The following ADAM12 variants were observed in gnomAD, a reference collection of about 807,000 sequenced individuals.
ADAM12 encodes disintegrin and metalloproteinase domain-containing protein 12.
ADAM12 carries 70 observed loss-of-function variants against 106.4 expected under a neutral mutation model. The ratio of observed to expected loss-of-function variants is 0.66; its 90% CI spans 0.54 to 0.80. The LOEUF (loss-of-function observed/expected upper bound fraction) is 0.80. Among genes scored for constraint, ADAM12 ranks in the 30% least tolerant of loss-of-function variants. The pLI is 0.00. For missense variants in ADAM12, 1,010 were observed against 1,171.9 expected, an observed-to-expected ratio of 0.86 and a Z score of 2.02; for synonymous variants, 420 against 433.5, an observed-to-expected ratio of 0.97 and a Z score of 0.39.
At chr10:126,037,398 A>G (rs1191419442) in intron 20 of ADAM12, among the ~76,000 whole-genome samples, 3 of 152,054 alleles carry the variant, frequency 2.0e-5, no homozygotes, top group African/African-American at 7.2e-5. Context: ...GGGGACGAGC[A>G]GGGGTAAAGC....
chr10:126,298,793 T>C (rs1178578655), intron 2 of ADAM12, among the ~76,000 whole-genome samples: 1 of 151,936 alleles, frequency 6.6e-6, no homozygotes, highest in Admixed American at 6.6e-5. Context: ...AAAAGAGCAA[T>C]AATAACTGAC....
At chr10:126,067,724 A>G (rs1167444524) in intron 12 of ADAM12, among the ~76,000 whole-genome samples, 1 of 152,244 alleles carries the variant, frequency 6.6e-6, no homozygotes, top group Non-Finnish European at 1.5e-5. Context: ...AACAGTTCAT[A>G]GATCTTTAAT....
chr10:126,177,550 G>A (rs1957241201), intron 3 of ADAM12, among the ~76,000 whole-genome samples: 1 of 152,164 alleles, frequency 6.6e-6, no homozygotes, highest in African/African-American at 2.4e-5. Context: ...TCCAGAATCA[G>A]TTTCAAGGTT....
intron 1 of ADAM12, among the ~76,000 whole-genome samples, chr10:126,332,189 G>A (rs1780628594): frequency 6.6e-6 from 1 of 152,178 alleles, no homozygotes; most frequent in African/African-American, 2.4e-5. Flanking sequence ...AGGCACTCTT[G>A]TCAGTGACTC....
chr10:126,029,290 A>G (rs1160708817), intron 21 of ADAM12, among the ~76,000 whole-genome samples: 2 of 152,088 alleles, frequency 1.3e-5, no homozygotes, highest in South Asian at 2.1e-4. Context: ...ACACGCATGC[A>G]TATGTTCACT....
chr10:126,266,548 A>G (rs2133723364), intron 3 of ADAM12, among the ~76,000 whole-genome samples: 1 of 152,330 alleles, frequency 6.6e-6, no homozygotes, highest in South Asian at 2.1e-4. Context: ...TGTGAATGGC[A>G]GTGCAGTGTC....
intron 2 of ADAM12, among the ~76,000 whole-genome samples, chr10:126,306,453 C>A (rs1044003283): frequency 2.0e-5 from 3 of 152,052 alleles, no homozygotes; most frequent in African/African-American, 2.4e-5. Flanking sequence ...GTTATATTTA[C>A]CAATATGTTT....
In ADAM12 at chr10:126,017,036, T is replaced by TG. The variant is rs1210406425; in HGVS notation, c.*242dup. 3 of 375,770 alleles carry TG rather than the reference T, an allele frequency of 8.0e-6. No individual in the cohort carries two copies. Among genetic ancestry groups the TG allele is most frequent in the Non-Finnish European group, 1.4e-5 (3 of 211,024 alleles). The allele number at this position is 375,770 out of a possible 1,614,324, so 23.3% of individuals were successfully genotyped here. A position where few individuals can be genotyped will look rare whatever the true frequency, so the allele number is the denominator to read the frequency against. On this transcript the variant is annotated 3_prime_UTR_variant, in exon 23 of 23. Transcript: ENST00000448723. Reference sequence around the variant, plus strand: ...ATGGAAAACTCAGTGATGGTAAAAATGCCTACTACAGCGCACTGCACTGTA... The same window carrying TG: ...ATGGAAAACTCAGTGATGGTAAAAATGGCCTACTACAGCGCACTGCACTGTA...
At chr10:126,328,837 T>C (rs973877820) in intron 2 of ADAM12, among the ~76,000 whole-genome samples, 4 of 152,194 alleles carry the variant, frequency 2.6e-5, no homozygotes, top group African/African-American at 9.7e-5. Context: ...TGGTTCTTCC[T>C]AGTCTTCTAA....
At chr10:126,239,605 G>A (rs917944919) in intron 3 of ADAM12, among the ~76,000 whole-genome samples, 5 of 151,998 alleles carry the variant, frequency 3.3e-5, no homozygotes, top group African/African-American at 4.8e-5. Flanking sequence ...TATTTAGGTC[G>A]TTATTTCCTC....
intron 5 of ADAM12, among the ~76,000 whole-genome samples, chr10:126,126,873 G>A (rs1208075745): frequency 2.6e-5 from 4 of 152,112 alleles, no homozygotes; most frequent in African/African-American, 4.8e-5. Context: ...TGGACCTTCT[G>A]GACAAGAGGT....
chr10:126,059,168 T>A (rs925612020), intron 14 of ADAM12, among the ~76,000 whole-genome samples: 1 of 152,196 alleles, frequency 6.6e-6, no homozygotes, highest in Non-Finnish European at 1.5e-5. Context: ...CCAATGTCAT[T>A]ATATTTTTTT....
chr10:126,267,421 T>C (rs6421960), intron 3 of ADAM12, among the ~76,000 whole-genome samples: 120,326 of 152,134 alleles, frequency 0.79, 48,713 homozygotes, highest in Non-Finnish European at 0.87. Flanking sequence ...CTCACCATCA[T>C]GTAGAATCAG....
intron 1 of ADAM12, among the ~76,000 whole-genome samples, chr10:126,375,895 T>C (rs1181293261): frequency 6.6e-6 from 1 of 150,536 alleles, no homozygotes; most frequent in Non-Finnish European, 1.5e-5. Context: ...TACAGGTGCA[T>C]GCCACATATA....
chr10:126,054,249 G>T (rs1222301325), intron 14 of ADAM12, among the ~76,000 whole-genome samples: 5 of 152,170 alleles, frequency 3.3e-5, no homozygotes, highest in Non-Finnish European at 7.3e-5. Context: ...ACCCTTAAAA[G>T]CTCTTTTACC....
chr10:126,278,305 G>A (rs934936515), intron 3 of ADAM12, among the ~76,000 whole-genome samples: 2 of 152,094 alleles, frequency 1.3e-5, no homozygotes, highest in African/African-American at 4.8e-5. Flanking sequence ...AAAACGAGTT[G>A]TTTGTCTTAC....
At chr10:126,372,184 A>G (rs537532345) in intron 1 of ADAM12, among the ~76,000 whole-genome samples, 65 of 152,176 alleles carry the variant, frequency 4.3e-4, no homozygotes, top group Non-Finnish European at 8.5e-4. Context: ...CCCATCTACC[A>G]TGAGCAGAAG....
At position 126,134,802 on chromosome 10, in the gene ADAM12, T is replaced by C. The variant is rs145561542; in HGVS notation, c.416+782A>G. ...TTTTTAACTCAAGCAGGTATATCCT[T>C]CCAGGGCCTTCTCTCTCTTCCCTCC... On this transcript the variant is annotated intron_variant, in intron 5 of 22. Coordinates refer to ENST00000448723, the MANE Select transcript of ADAM12 (RefSeq NM_001288973.2). 3.3e-3 allele frequency among the ~76,000 whole-genome samples: 507 copies of C among 152,362 alleles called. 3 individuals carry two copies. The highest frequency in any genetic ancestry group is 0.011 in the African/African-American group (473 of 41,572).
intron 2 of ADAM12, among the ~76,000 whole-genome samples, chr10:126,314,463 G>T (rs184861745): frequency 6.6e-6 from 1 of 152,114 alleles, no homozygotes. Flanking sequence ...CCTCAATGGG[G>T]CCACACATTA....
Sources: gnomAD v4.1 joint callset for allele counts (sites outside exome capture counted in the v4.1 genomes callset) on GRCh38, gnomAD v4.1.1 for gene constraint, MANE v1.5 for transcripts, NCBI Gene and HGNC (gene_info 2026-07-23, HGNC 2026-07-21) for gene names.